Variants in OR3A2 observed in about 807,000 individuals in gnomAD.
OR3A2 encodes olfactory receptor 3A2.
For synonymous variants in OR3A2, 126 were observed against 159.3 expected (o/e 0.79, Z 1.57); for missense variants, 318 against 392.8 (o/e 0.81, Z 1.61).
intron 2 of OR3A2, among the ~76,000 whole-genome samples, chr17:3,356,402 C>T (rs539979869): frequency 7.3e-5 from 11 of 151,562 alleles, no homozygotes; most frequent in South Asian, 6.2e-4. Context: ...TTTAGCATTT[C>T]TTGTAGGACA....
chr17:3,278,608 G>T, exon 2 of OR3A2: 1 of 1,593,192 alleles, frequency 6.3e-7, no homozygotes, highest in Non-Finnish European at 8.6e-7. Context: ...AAGAAGAAGA[G>T]CTGGGAGAGG....
chr17:3,386,294 G>T, upstream of OR3A2: 1 of 398,398 alleles, frequency 2.5e-6, no homozygotes, highest in Non-Finnish European at 4.4e-6. Context: ...TCCTACGACC[G>T]CCCGACGGCG....
chr17:3,312,982 C>T (rs1014209351), intron 3 of OR3A2, among the ~76,000 whole-genome samples: 1 of 152,110 alleles, frequency 6.6e-6, no homozygotes. Flanking sequence ...CTGTTTAATT[C>T]ATACGTACAG....
intron 3 of OR3A2, among the ~76,000 whole-genome samples, chr17:3,300,573 A>C (rs556418481): frequency 1.3e-4 from 20 of 152,166 alleles, no homozygotes; most frequent in Admixed American, 7.8e-4. Flanking sequence ...TAAATAAATT[A>C]ATTAATTAAT....
intron 2 of OR3A2, among the ~76,000 whole-genome samples, chr17:3,357,339 C>A (rs1273789688): frequency 6.6e-6 from 1 of 151,654 alleles, no homozygotes; most frequent in African/African-American, 2.4e-5. Flanking sequence ...GTGCAAGAAT[C>A]AGAGACTTTC....
rs12601128 is a variant in OR3A2, at chr17:3,331,477, G to A, written c.-85+4556C>T. Among the ~76,000 whole-genome samples the A allele has an allele frequency of 5.2e-3, 792 of 150,932 alleles. 32 individuals are homozygous for A. In the East Asian group the frequency reaches 0.11, roughly 21 times the overall value. On this transcript the variant is annotated intron_variant, in intron 3 of 4. Coordinates refer to the OR3A2 transcript ENST00000573491. ...CATTTCATTCATTTCATCTTCCATC[G>A]CTGATACCCTTTCTTCCAGTTGATC...
intron 2 of OR3A2, among the ~76,000 whole-genome samples, chr17:3,354,684 T>G (rs1233108656): frequency 6.6e-6 from 1 of 151,390 alleles, no homozygotes; most frequent in East Asian, 1.9e-4. Context: ...TTGGCCATAT[T>G]GTTTATCTTT....
At chr17:3,337,984 G>C (rs1304656878) in intron 2 of OR3A2, among the ~76,000 whole-genome samples, 2 of 152,134 alleles carry the variant, frequency 1.3e-5, no homozygotes, top group African/African-American at 4.8e-5. Flanking sequence ...GTGTGAGATG[G>C]TATCTCATTG....
At chr17:3,369,688 TTTTC>T (rs1737679841) in intron 2 of OR3A2, among the ~76,000 whole-genome samples, 1 of 152,172 alleles carries the variant, frequency 6.6e-6, no homozygotes, top group African/African-American at 2.4e-5. Context: ...TGGTCTGTAA[TTTTC>T]TTTTTTTGTT....
In OR3A2 at chr17:3,367,441, TTA is replaced by T. The variant is rs2049573463; in HGVS notation, c.-179+16361_-179+16362del. On this transcript the variant is annotated intron_variant, in intron 2 of 4. Transcript: ENST00000573491. ...TGCGTCCTCATAGCTTAGCTCCCACTTATGAGTGAGAACATATGATGTTTGAT... is the reference window on the plus strand; with the variant it reads ...TGCGTCCTCATAGCTTAGCTCCCACTTGAGTGAGAACATATGATGTTTGAT... Among the ~76,000 whole-genome samples, 3 of 146,488 alleles carry T rather than the reference TTA, an allele frequency of 2.0e-5. No homozygotes were observed. The South Asian group carries it at 7.1e-4, about 35-fold the overall frequency.
intron 3 of OR3A2, among the ~76,000 whole-genome samples, chr17:3,322,283 G>C (rs928756054): frequency 4.0e-5 from 6 of 151,490 alleles, no homozygotes; most frequent in Non-Finnish European, 5.9e-5. Context: ...ATTAGTCTTG[G>C]TAGCAGTCTA....
intron 1 of OR3A2, among the ~76,000 whole-genome samples, chr17:3,384,481 C>T (rs1475806470): frequency 6.6e-6 from 1 of 152,190 alleles, no homozygotes; most frequent in Non-Finnish European, 1.5e-5. Flanking sequence ...TCCCACACAA[C>T]ATCATGTCTG....
intron 3 of OR3A2, among the ~76,000 whole-genome samples, chr17:3,321,731 C>A (rs943336317): frequency 9.2e-5 from 14 of 152,002 alleles, no homozygotes; most frequent in Admixed American, 2.6e-4. Context: ...GGATGAAGCC[C>A]ACTTGATCAT....
intron 3 of OR3A2, among the ~76,000 whole-genome samples, chr17:3,308,906 T>C (rs1244164854): frequency 4.9e-5 from 1 of 20,598 alleles, no homozygotes; most frequent in Non-Finnish European, 7.4e-5. Flanking sequence ...GATCACTGAG[T>C]ATTTTATTTT....
rs552887065 is a variant in OR3A2, at chr17:3,355,299, T to C, written c.-178-19173A>G. 2.0e-5 allele frequency among the ~76,000 whole-genome samples: 3 copies of C among 151,606 alleles called. 1 individual carries two copies. The highest frequency in any genetic ancestry group is 7.3e-5 in the African/African-American group (3 of 41,110). ...GCCTTTGGATGAAATGTTCTGTAAA[T>C]ATCTATTAGGTCTATTTGTTCCATG... On this transcript the variant is annotated intron_variant, in intron 2 of 4. Transcript: ENST00000573491.
intron 3 of OR3A2, among the ~76,000 whole-genome samples, chr17:3,327,833 G>T (rs200003653): frequency 0.065 from 8,833 of 136,058 alleles, 637 homozygotes; most frequent in East Asian, 0.42. Context: ...CCATTGCTTG[G>T]TTTTCTCAGG....
upstream of OR3A2, among the ~76,000 whole-genome samples, chr17:3,286,075 C>T (rs370409459): frequency 4.6e-5 from 7 of 152,240 alleles, no homozygotes; most frequent in East Asian, 1.9e-4. Context: ...TGCCCCCCAC[C>T]CCCCAAGAGG....
intron 3 of OR3A2, among the ~76,000 whole-genome samples, chr17:3,314,006 A>T (rs936640289): frequency 6.6e-6 from 1 of 152,258 alleles, no homozygotes; most frequent in Non-Finnish European, 1.5e-5. Flanking sequence ...AGATATAAAG[A>T]GAAAATTTTT....
chr17:3,346,491 G>A (rs994935462), intron 2 of OR3A2, among the ~76,000 whole-genome samples: 3 of 152,078 alleles, frequency 2.0e-5, no homozygotes, highest in South Asian at 2.1e-4. Flanking sequence ...CCTATCAGCC[G>A]CCTTGCCATC....
Sources: gnomAD v4.1 joint callset for allele counts (sites outside exome capture counted in the v4.1 genomes callset) on GRCh38, gnomAD v4.1.1 for gene constraint, MANE v1.5 for transcripts, NCBI Gene and HGNC (gene_info 2026-07-23, HGNC 2026-07-21) for gene names.